STPG2: variants seen among roughly 807,000 people sequenced by gnomAD.
The protein encoded by STPG2 is sperm-tail PG-rich repeat-containing protein 2.
In STPG2, 56 loss-of-function variants were observed where a neutral mutation model predicts 54.2. The observed-to-expected ratio is 1.03, with a 90% confidence interval of 0.83 to 1.29. STPG2 has a LOEUF of 1.29. Among genes scored for constraint, STPG2 ranks in the 50% most tolerant of loss-of-function variants. STPG2 has a pLI of 0.00. For missense variants in STPG2, 596 were observed against 544.9 expected, an observed-to-expected ratio of 1.09 and a Z score of -0.93; for synonymous variants, 200 against 181.8, an observed-to-expected ratio of 1.10 and a Z score of -0.81.
intron 7 of STPG2, among the ~76,000 whole-genome samples, chr4:97,963,559 G>T (rs1476547481): frequency 1.3e-5 from 2 of 151,998 alleles, no homozygotes; most frequent in Non-Finnish European, 2.9e-5. Flanking sequence ...GAAGACTGAA[G>T]CAGGAGGATC....
Position 98,106,058 on chromosome 4 carries a change from C to T in STPG2, c.507G>A (p.Lys169=). The change falls in exon 5 of 11, where the codon AAG becomes AAA. Residue 169 remains lysine, a synonymous_variant. Transcript: ENST00000295268. ...TGTTAACATTTTCATAATATGATGT[C>T]TTTTTCCTTCAGAAAATTCAAATAG... ...GPGQYDIVQK[K]TSYYENVNIK... 1 of 1,454,280 alleles carries T rather than the reference C, an allele frequency of 6.9e-7. No individual in the cohort carries two copies. The highest frequency in any genetic ancestry group is 1.3e-5 in the South Asian group (1 of 78,064). 90.1% of individuals were successfully genotyped at this position (1,454,280 alleles called of 1,614,324 possible). A position where few individuals can be genotyped will look rare whatever the true frequency, so the allele number is the denominator to read the frequency against.
chr4:97,521,755 T>A (rs1484414433), intron 4 of STPG2, among the ~76,000 whole-genome samples: 1 of 151,996 alleles, frequency 6.6e-6, no homozygotes, highest in Non-Finnish European at 1.5e-5. Context: ...TGAAATTCAC[T>A]TTAAAGAAAA....
At chr4:97,942,464 T>A (rs1433067209) in intron 8 of STPG2, among the ~76,000 whole-genome samples, 1 of 149,970 alleles carries the variant, frequency 6.7e-6, no homozygotes, top group Non-Finnish European at 1.5e-5. Flanking sequence ...CTACTACATG[T>A]AAAGAATATT....
At position 97,959,321 on chromosome 4, in the gene STPG2, C is replaced by T. The variant is rs139411151; in HGVS notation, c.933+12959G>A. 4.0e-5 allele frequency among the ~76,000 whole-genome samples: 6 copies of T among 151,516 alleles called. No individual in the cohort carries two copies. The East Asian group carries it at 1.2e-3, about 29-fold the overall frequency. On this transcript the variant is annotated intron_variant, in intron 7 of 10. Transcript: ENST00000295268. ...GTCACACCTCAAAGAACTAGAGAAA[C>T]AAGAAAAAACCAAACTTAACCCCAG...
intron 4 of STPG2, among the ~76,000 whole-genome samples, chr4:97,515,645 G>A (rs1399212806): frequency 6.6e-6 from 1 of 151,904 alleles, no homozygotes; most frequent in Non-Finnish European, 1.5e-5. Context: ...CTTAAGGTGT[G>A]AAAAAATTTA....
chr4:98,130,951 C>CAAA (rs1560693211), intron 2 of STPG2, among the ~76,000 whole-genome samples: 1 of 100,540 alleles, frequency 9.9e-6, no homozygotes, highest in African/African-American at 3.9e-5. Flanking sequence ...AAAAAAAAAA[C>CAAA]GACTTTCCAA....
At chr4:97,469,884 G>A (rs1179988317) in intron 4 of STPG2, among the ~76,000 whole-genome samples, 1 of 152,076 alleles carries the variant, frequency 6.6e-6, no homozygotes, top group African/African-American at 2.4e-5. Flanking sequence ...TCAGGACGTA[G>A]TGAGAGAGCG....
At chr4:97,527,611 A>G (rs559232627) in intron 4 of STPG2, among the ~76,000 whole-genome samples, 46 of 152,292 alleles carry the variant, frequency 3.0e-4, no homozygotes, top group Middle Eastern at 3.4e-3. Context: ...TTACATTCCC[A>G]TCAACAGGGT....
At chr4:97,923,922 C>T (rs1732231113) in intron 8 of STPG2, among the ~76,000 whole-genome samples, 1 of 152,132 alleles carries the variant, frequency 6.6e-6, no homozygotes, top group Non-Finnish European at 1.5e-5. Flanking sequence ...GTAAAATGGG[C>T]CAATCAGCAG....
chr4:97,766,303 G>C (rs1210373860), intron 9 of STPG2, among the ~76,000 whole-genome samples: 1 of 152,010 alleles, frequency 6.6e-6, no homozygotes, highest in Non-Finnish European at 1.5e-5. Context: ...TTTTAAGTCA[G>C]AGGCTTCAAA....
At position 97,984,975 on chromosome 4, in the gene STPG2, G is replaced by A. The variant is rs190129242; in HGVS notation, c.613-3657C>T. Among the ~76,000 whole-genome samples the A allele has an allele frequency of 6.6e-4, 101 of 152,100 alleles. 1 individual carries two copies. Among genetic ancestry groups the A allele is most frequent in the Admixed American group, 5.7e-3 (87 of 15,256 alleles). On this transcript the variant is annotated intron_variant, in intron 5 of 10. Transcript: ENST00000295268. Reference sequence around the variant, plus strand: ...AGATAACTAACATCATTGTTTTCTGGTTTATCTTCATCGTGTTTATATAGC... The same window carrying A: ...AGATAACTAACATCATTGTTTTCTGATTTATCTTCATCGTGTTTATATAGC...
At chr4:97,499,295 A>G (rs1373893395) in intron 4 of STPG2, among the ~76,000 whole-genome samples, 2 of 151,952 alleles carry the variant, frequency 1.3e-5, no homozygotes, top group Non-Finnish European at 2.9e-5. Flanking sequence ...ATCTCATAGC[A>G]TGAATTACAT....
chr4:97,473,850 G>T (rs1730005892), intron 4 of STPG2, among the ~76,000 whole-genome samples: 1 of 152,094 alleles, frequency 6.6e-6, no homozygotes, highest in Admixed American at 6.5e-5. Context: ...GATGCTTAGG[G>T]AAAATAGAAA....
chr4:97,579,205 G>A (rs572829575), intron 10 of STPG2, among the ~76,000 whole-genome samples: 133 of 152,082 alleles, frequency 8.7e-4, no homozygotes, highest in Non-Finnish European at 1.6e-3. Context: ...TGTGTTCAAT[G>A]TTGCTTTCCT....
intron 8 of STPG2, among the ~76,000 whole-genome samples, chr4:97,931,454 T>C (rs542580105): frequency 7.9e-4 from 120 of 152,318 alleles, no homozygotes; most frequent in African/African-American, 2.9e-3. Context: ...GTGGTTTTTG[T>C]CTCTAGTTTG....
intron 4 of STPG2, among the ~76,000 whole-genome samples, chr4:97,487,303 C>G (rs949592989): frequency 1.3e-5 from 2 of 150,926 alleles, no homozygotes; most frequent in African/African-American, 4.9e-5. Flanking sequence ...GTGGCTGTTA[C>G]AGGTAAGGAG....
At chr4:97,461,780 A>C (rs1316934906) in intron 4 of STPG2, among the ~76,000 whole-genome samples, 2 of 152,044 alleles carry the variant, frequency 1.3e-5, no homozygotes, top group Non-Finnish European at 2.9e-5. Flanking sequence ...TGCCTGTTCA[A>C]GTCTTTGTCC....
intron 7 of STPG2, among the ~76,000 whole-genome samples, chr4:97,951,432 C>G (rs1271272358): frequency 6.6e-6 from 1 of 152,090 alleles, no homozygotes; most frequent in Non-Finnish European, 1.5e-5. Flanking sequence ...CTGGTTCCTT[C>G]TCATTTGGGT....
chr4:97,737,196 CA>C (rs1301804590), intron 9 of STPG2, among the ~76,000 whole-genome samples: 1 of 152,126 alleles, frequency 6.6e-6, no homozygotes, highest in Non-Finnish European at 1.5e-5. Context: ...ACATCCACAC[CA>C]AAACCCCATC....
Sources: allele counts gnomAD v4.1 joint callset (sites outside exome capture counted in the v4.1 genomes callset), GRCh38; gene constraint gnomAD v4.1.1; transcripts MANE v1.5; gene names NCBI Gene and HGNC (gene_info 2026-07-23, HGNC 2026-07-21).